Variants in CHST4 observed in about 807,000 individuals in gnomAD.
The protein encoded by CHST4 is carbohydrate sulfotransferase 4.
For missense variants in CHST4, 466 were observed against 506.0 expected (o/e 0.92, Z 0.76); for synonymous variants, 171 against 195.5 (o/e 0.87, Z 1.05).
At chr16:71,530,271 A>C (rs761280818) in intron 1 of CHST4, among the ~76,000 whole-genome samples, 1 of 152,186 alleles carries the variant, frequency 6.6e-6, no homozygotes, top group Non-Finnish European at 1.5e-5. Context: ...CAAAAATCTC[A>C]GGGCTTTTAA....
chr16:71,535,398 C>A (rs770162390), intron 1 of CHST4, among the ~76,000 whole-genome samples: 1 of 152,166 alleles, frequency 6.6e-6, no homozygotes, highest in African/African-American at 2.4e-5. Flanking sequence ...GTCTCAAATT[C>A]CTGACCTCAA....
intron 1 of CHST4, among the ~76,000 whole-genome samples, chr16:71,530,814 C>T (rs1350843521): frequency 6.6e-6 from 1 of 152,068 alleles, no homozygotes; most frequent in African/African-American, 2.4e-5. Context: ...GGCGTGGTGG[C>T]TCACACCTGT....
At chr16:71,533,866 GC>G (rs1374015591) in intron 1 of CHST4, among the ~76,000 whole-genome samples, 2 of 151,480 alleles carry the variant, frequency 1.3e-5, no homozygotes, top group Non-Finnish European at 2.9e-5. Flanking sequence ...ACATGGTGAA[GC>G]CCCATCTCTA....
intron 1 of CHST4, among the ~76,000 whole-genome samples, chr16:71,527,535 C>T (rs2043917182): frequency 6.6e-6 from 1 of 152,070 alleles, no homozygotes; most frequent in Admixed American, 6.5e-5. Flanking sequence ...TCACCTGAGG[C>T]CAGGAGTTCA....
chr16:71,532,111 G>A (rs1325584394), intron 1 of CHST4, among the ~76,000 whole-genome samples: 3 of 147,480 alleles, frequency 2.0e-5, no homozygotes, highest in Admixed American at 6.9e-5. Context: ...GCAGTGGCGC[G>A]ATCTCGGCTC....
At chr16:71,532,443 G>A (rs1430314490) in intron 1 of CHST4, among the ~76,000 whole-genome samples, 1 of 152,204 alleles carries the variant, frequency 6.6e-6, no homozygotes, top group South Asian at 2.1e-4. Context: ...TTTCAGCCAT[G>A]ATGATGAGAT....
chr16:71,530,698 C>T (rs966172879), intron 1 of CHST4, among the ~76,000 whole-genome samples: 4 of 151,936 alleles, frequency 2.6e-5, no homozygotes, highest in Non-Finnish European at 4.4e-5. Flanking sequence ...CACTTGAGCC[C>T]AGGAGTTCAA....
At chr16:71,527,462 T>C (rs1210752435) in intron 1 of CHST4, among the ~76,000 whole-genome samples, 1 of 152,236 alleles carries the variant, frequency 6.6e-6, no homozygotes, top group East Asian at 1.9e-4. Flanking sequence ...AAGAAATACA[T>C]CTAGCCAGGC....
At chr16:71,535,044 A>T (rs2043977154) in intron 1 of CHST4, among the ~76,000 whole-genome samples, 1 of 152,252 alleles carries the variant, frequency 6.6e-6, no homozygotes, top group Non-Finnish European at 1.5e-5. Context: ...GCAAGCCCTG[A>T]TTGCAAAATG....
chr16:71,537,948 C>G lies in CHST4; in HGVS notation c.*110C>G. The G allele has an allele frequency of 9.9e-7, 1 of 1,007,958 alleles. No individual in the cohort carries two copies. Among genetic ancestry groups the G allele is most frequent in the Non-Finnish European group, 1.5e-6 (1 of 681,462 alleles). The allele number at this position is 1,007,958 out of a possible 1,614,324, so 62.4% of individuals were successfully genotyped here. A position where few individuals can be genotyped will look rare whatever the true frequency, so the allele number is the denominator to read the frequency against. On this transcript the variant is annotated 3_prime_UTR_variant, in exon 2 of 2. Coordinates refer to ENST00000539698, the MANE Select transcript of CHST4 (RefSeq NM_001166395.2). This position sits in a 1 kb window ranked among gnomAD's most constrained non-coding sequence, Gnocchi z 4.2. ...GCCTTAACTACATGTCTGTGGGTATCACACTGAGTGTGAGTTGTGTCCACA... is the reference window on the plus strand; with the variant it reads ...GCCTTAACTACATGTCTGTGGGTATGACACTGAGTGTGAGTTGTGTCCACA...
intron 1 of CHST4, among the ~76,000 whole-genome samples, chr16:71,528,188 T>C (rs1228630492): frequency 6.8e-6 from 1 of 148,042 alleles, no homozygotes; most frequent in African/African-American, 2.5e-5. Context: ...GAGTCGAGGT[T>C]GCAGTGAGCT....
In CHST4 at chr16:71,536,977, C is replaced by G. The variant is rs139260372; in HGVS notation, c.300C>G (p.Ala100=). 1 of 1,613,842 alleles carries G rather than the reference C, an allele frequency of 6.2e-7. No individual in the cohort carries two copies. The highest frequency in any genetic ancestry group is 1.3e-5 in the African/African-American group (1 of 74,924). The change falls in exon 2 of 2, where the codon GCC becomes GCG. Residue 100 remains alanine, a synonymous_variant. Coordinates refer to ENST00000539698, the MANE Select transcript of CHST4 (RefSeq NM_001166395.2). ...LHMAVRDLIR[A]VFLCDMSVFD... is the part of the protein sequence containing the mutation. ...TGGCTGTGCGGGATCTGATACGGGC[C>G]GTCTTCTTGTGCGACATGAGCGTCT...
At chr16:71,527,518 A>T (rs2043917047) in intron 1 of CHST4, among the ~76,000 whole-genome samples, 1 of 152,204 alleles carries the variant, frequency 6.6e-6, no homozygotes, top group African/African-American at 2.4e-5. Flanking sequence ...AAGCTGAGGC[A>T]GGTGGATCAC....
rs897607130 is a variant in CHST4, at chr16:71,537,485, C to T, written c.808C>T (p.Arg270Cys). 7.4e-6 allele frequency: 12 copies of T among 1,614,088 alleles called. No individual in the cohort carries two copies. Among genetic ancestry groups the T allele is most frequent in the Middle Eastern group, 1.6e-4 (1 of 6,084 alleles). The change falls in exon 2 of 2, where the codon CGC becomes TGC. Residue 270 changes from arginine to cysteine, a missense_variant. Transcript: ENST00000539698. This position sits in a 1 kb window ranked among gnomAD's most constrained non-coding sequence, Gnocchi z 4.2. ...IQSLPKALQE[R>C]YLLVRYEDLA... ...GTCCTTGCCCAAGGCCCTGCAGGAA[C>T]GCTACCTGCTTGTGCGCTATGAGGA...
intron 1 of CHST4, among the ~76,000 whole-genome samples, chr16:71,531,215 G>A (rs551526203): frequency 5.3e-5 from 8 of 152,276 alleles, no homozygotes; most frequent in African/African-American, 1.4e-4. Flanking sequence ...AGTGGGATTC[G>A]AGGACACTAT....
chr16:71,529,107 G>GTTTTTTTTTTTTTTTGTTT (rs397717246), intron 1 of CHST4, among the ~76,000 whole-genome samples: 1 of 136,110 alleles, frequency 7.3e-6, no homozygotes, highest in African/African-American at 2.7e-5. Context: ...TTTGTTTTTT[G>GTTTTTTTTTTTTTTTGTTT]TTTTTTTTTT....
intron 1 of CHST4, among the ~76,000 whole-genome samples, chr16:71,528,019 A>G (rs758006541): frequency 2.6e-5 from 4 of 152,114 alleles, no homozygotes; most frequent in Non-Finnish European, 5.9e-5. Flanking sequence ...ACAGTGGCTC[A>G]TGGGTGTAAT....
At position 71,537,913 on chromosome 16, in the gene CHST4, A is replaced by G; in HGVS notation, c.*75A>G. ...CTCTGAATGCTTCTGAGCCTTGCCT[A>G]CATCTCTGAGCCTTAACTACATGTC... On this transcript the variant is annotated 3_prime_UTR_variant, in exon 2 of 2. Coordinates refer to ENST00000539698, the MANE Select transcript of CHST4 (RefSeq NM_001166395.2). This position sits in a 1 kb window ranked among gnomAD's most constrained non-coding sequence, Gnocchi z 4.2. The G allele has an allele frequency of 3.6e-6, 5 of 1,371,746 alleles. No individual in the cohort carries two copies. The highest frequency in any genetic ancestry group is 4.0e-6 in the Non-Finnish European group (4 of 995,054). 85.0% of individuals were successfully genotyped at this position (1,371,746 alleles called of 1,614,324 possible).
At chr16:71,527,897 C>T (rs534212647) in intron 1 of CHST4, among the ~76,000 whole-genome samples, 11 of 152,160 alleles carry the variant, frequency 7.2e-5, no homozygotes, top group Non-Finnish European at 1.2e-4. Context: ...GACTTAAGGT[C>T]TGTGTTGGTG....
Sources: gnomAD v4.1 joint callset for allele counts (sites outside exome capture counted in the v4.1 genomes callset) on GRCh38, gnomAD v4.1.1 for gene constraint, Gnocchi (gnomAD v3.1) non-coding constraint, MANE v1.5 for transcripts, NCBI Gene and HGNC (gene_info 2026-07-23, HGNC 2026-07-21) for gene names.